Variants in GAREM1 observed in about 807,000 individuals in gnomAD.
GAREM1 encodes the protein GRB2 associated regulator of MAPK1 subtype 1.
A neutral mutation model predicts 71.3 loss-of-function variants in GAREM1; 26 were observed. That is an observed-to-expected ratio of 0.36 (90% CI 0.27 to 0.51). The LOEUF (loss-of-function observed/expected upper bound fraction) is 0.51, where lower values mean the gene tolerates loss of function less well. Among genes scored for constraint, GAREM1 ranks in the 20% least tolerant of loss-of-function variants. The probability of loss-of-function intolerance (pLI) is 0.95; values close to 1 mark genes in which losing one functional copy is unlikely to be tolerated. For synonymous variants in GAREM1, 440 were observed against 433.2 expected (o/e 1.02, Z -0.20); for missense variants, 1,026 against 1,103.1 (o/e 0.93, Z 0.99).
chr18:32,310,769 A>T (rs1402512777), intron 2 of GAREM1, among the ~76,000 whole-genome samples: 4 of 148,252 alleles, frequency 2.7e-5, no homozygotes, highest in Admixed American at 6.7e-5. Context: ...TTAGTATTAA[A>T]TTTTTTTTTT....
chr18:32,270,183 TA>T, intron 5 of GAREM1, 33 bp downstream of exon 5: 1 of 1,608,128 alleles, frequency 6.2e-7, no homozygotes. Flanking sequence ...GATGAGAAGA[TA>T]AGCGTGCAGT....
At chr18:32,386,911 T>C (rs940781739) in intron 2 of GAREM1, among the ~76,000 whole-genome samples, 1 of 152,182 alleles carries the variant, frequency 6.6e-6, no homozygotes, top group South Asian at 2.1e-4. Flanking sequence ...GAACAACATT[T>C]TTCTACAGTA....
chr18:32,286,702 C>A (rs1282691207), intron 4 of GAREM1, among the ~76,000 whole-genome samples: 1 of 152,166 alleles, frequency 6.6e-6, no homozygotes, highest in East Asian at 1.9e-4. Flanking sequence ...GGCCTTACCA[C>A]CTCGCACCTA....
intron 1 of GAREM1, chr18:32,412,324 T>C: frequency 1.3e-6 from 2 of 1,594,338 alleles, no homozygotes; most frequent in Non-Finnish European, 8.5e-7. Flanking sequence ...GGGCCAGAGT[T>C]TCTGCCTCCA....
intron 2 of GAREM1, among the ~76,000 whole-genome samples, chr18:32,339,088 C>A (rs1372339943): frequency 6.6e-6 from 1 of 152,202 alleles, no homozygotes; most frequent in African/African-American, 2.4e-5. Flanking sequence ...TGAACCAATT[C>A]CTTAAAGTAA....
chr18:32,315,542 T>G (rs1361086662), intron 2 of GAREM1, among the ~76,000 whole-genome samples: 1 of 148,422 alleles, frequency 6.7e-6, no homozygotes, highest in Non-Finnish European at 1.5e-5. Flanking sequence ...AGTAGATATA[T>G]ATATATATAC....
At chr18:32,381,701 ACTTAAT>A (rs1214932373) in intron 2 of GAREM1, among the ~76,000 whole-genome samples, 2 of 152,182 alleles carry the variant, frequency 1.3e-5, no homozygotes, top group Non-Finnish European at 2.9e-5. Flanking sequence ...ACTTGCCTTC[ACTTAAT>A]CTTTCTAAAA....
chr18:32,333,656 G>A (rs370014531), intron 2 of GAREM1, among the ~76,000 whole-genome samples: 1 of 152,218 alleles, frequency 6.6e-6, no homozygotes, highest in East Asian at 1.9e-4. Context: ...AGCCTCCAAT[G>A]CTGCAAGGCT....
intron 4 of GAREM1, among the ~76,000 whole-genome samples, chr18:32,274,958 C>CA (rs60198341): frequency 0.044 from 5,024 of 113,088 alleles, 100 homozygotes; most frequent in Non-Finnish European, 0.05. Flanking sequence ...ACAAAAAATA[C>CA]AAAAAAAAAA....
intron 3 of GAREM1, among the ~76,000 whole-genome samples, chr18:32,305,256 C>T (rs1219584068): frequency 6.6e-6 from 1 of 152,102 alleles, no homozygotes; most frequent in African/African-American, 2.4e-5. Context: ...CCCACATATC[C>T]TTTTATTTTC....
At chr18:32,438,397 G>C (rs1465541343) in intron 1 of GAREM1, among the ~76,000 whole-genome samples, 2 of 152,210 alleles carry the variant, frequency 1.3e-5, no homozygotes, top group Non-Finnish European at 1.5e-5. Context: ...TGGCTTCTGT[G>C]ATGACAGCTA....
At chr18:32,321,309 T>C (rs2047425824) in intron 2 of GAREM1, among the ~76,000 whole-genome samples, 1 of 152,198 alleles carries the variant, frequency 6.6e-6, no homozygotes, top group Admixed American at 6.5e-5. Context: ...GTACTCACTC[T>C]TTCTCCTTTG....
At chr18:32,447,928 T>C (rs750002439) in intron 1 of GAREM1, among the ~76,000 whole-genome samples, 1 of 152,212 alleles carries the variant, frequency 6.6e-6, no homozygotes, top group Non-Finnish European at 1.5e-5. Context: ...CCTAATCCTA[T>C]ACCATGTGTG....
chr18:32,330,591 A>G (rs2047522848), intron 2 of GAREM1, among the ~76,000 whole-genome samples: 1 of 152,172 alleles, frequency 6.6e-6, no homozygotes, highest in African/African-American at 2.4e-5. Flanking sequence ...TGAGACTTAA[A>G]ACACAATACA....
intron 1 of GAREM1, among the ~76,000 whole-genome samples, chr18:32,424,487 T>C (rs2144245864): frequency 6.6e-6 from 1 of 152,306 alleles, no homozygotes; most frequent in South Asian, 2.1e-4. Context: ...CATGACTATA[T>C]TCCCGGTTGC....
Position 32,268,550 on chromosome 18 carries a change from C to CTA in GAREM1, c.1950_1951dup (p.Ser651IlefsTer59). On this transcript the variant is annotated frameshift_variant, in exon 6 of 6. Coordinates refer to ENST00000269209, the MANE Select transcript of GAREM1 (RefSeq NM_001242409.2). LOFTEE classifies it high-confidence loss of function. ...GCCTGGCGTCTTTTGTCTAGGGTAA[C>CTA]TATAACTCCTGCTTGGATCCAGCAG... 2 of 1,614,152 alleles carry CTA rather than the reference C, an allele frequency of 1.2e-6. No individual in the cohort carries two copies. The highest frequency in any genetic ancestry group is 1.7e-6 in the Non-Finnish European group (2 of 1,180,024).
At chr18:32,383,408 G>A (rs1373563816) in intron 2 of GAREM1, among the ~76,000 whole-genome samples, 1 of 152,192 alleles carries the variant, frequency 6.6e-6, no homozygotes, top group African/African-American at 2.4e-5. Context: ...GGAGCAGAGT[G>A]ACTTCAATTC....
At chr18:32,441,001 TTTTC>T (rs1179267783) in intron 1 of GAREM1, among the ~76,000 whole-genome samples, 5 of 152,180 alleles carry the variant, frequency 3.3e-5, no homozygotes, top group Non-Finnish European at 5.9e-5. Context: ...TATGACATCT[TTTTC>T]TTTCTTAGCT....
intron 1 of GAREM1, among the ~76,000 whole-genome samples, chr18:32,400,121 T>C (rs1466129882): frequency 6.6e-6 from 1 of 152,198 alleles, no homozygotes; most frequent in African/African-American, 2.4e-5. Flanking sequence ...GCTAGCCATA[T>C]GTAGAAAGCT....
Sources: allele counts gnomAD v4.1 joint callset (sites outside exome capture counted in the v4.1 genomes callset), GRCh38; gene constraint gnomAD v4.1.1; transcripts MANE v1.5; gene names NCBI Gene and HGNC (gene_info 2026-07-23, HGNC 2026-07-21).